Variants in ROBO1 observed in about 807,000 individuals in gnomAD.
ROBO1 encodes the protein roundabout homolog 1.
A neutral mutation model predicts 195.9 loss-of-function variants in ROBO1; 149 were observed. The observed-to-expected ratio is 0.76, with a 90% CI of 0.67 to 0.87. ROBO1 has a LOEUF of 0.87. Ranked by LOEUF, ROBO1 falls within the 40% of genes least tolerant of loss-of-function variation. ROBO1 has a pLI of 0.00. For synonymous variants in ROBO1, 816 were observed against 733.2 expected (o/e 1.11, Z -1.82); for missense variants, 1,933 against 2,068.3 (o/e 0.93, Z 1.27).
chr3:79,075,209 T>C (rs763633620), intron 3 of ROBO1, among the ~76,000 whole-genome samples: 2 of 151,914 alleles, frequency 1.3e-5, no homozygotes, highest in Non-Finnish European at 2.9e-5. Context: ...AATATTTATA[T>C]AGAAAAACCT....
Position 78,643,040 on chromosome 3 carries a change from T to C in ROBO1, c.2882+3108A>G, listed in dbSNP as rs186640172. ...TTATCGCATTTATTTATGTAATTTA[T>C]TGCATTATTAAAAACCCATTTATCG... On this transcript the variant is annotated intron_variant, in intron 21 of 30. Transcript: ENST00000464233. Among the ~76,000 whole-genome samples, 1,195 of 152,296 alleles carry C rather than the reference T, an allele frequency of 7.8e-3. 4 individuals carry two copies. The highest frequency in any genetic ancestry group is 0.011 in the Non-Finnish European group (778 of 68,030).
chr3:78,661,625 A>C (rs1707412295), intron 15 of ROBO1, among the ~76,000 whole-genome samples: 1 of 152,192 alleles, frequency 6.6e-6, no homozygotes, highest in Non-Finnish European at 1.5e-5. Context: ...GGTCAAGGGG[A>C]TGAGAAGCTA....
intron 3 of ROBO1, among the ~76,000 whole-genome samples, chr3:78,970,665 T>G (rs1444930794): frequency 6.6e-6 from 1 of 152,098 alleles, no homozygotes; most frequent in Non-Finnish European, 1.5e-5. Context: ...AATTAACTAT[T>G]AAAATGACAA....
intron 2 of ROBO1, among the ~76,000 whole-genome samples, chr3:79,409,632 T>A (rs1392973080): frequency 6.6e-6 from 1 of 152,140 alleles, no homozygotes; most frequent in Non-Finnish European, 1.5e-5. Flanking sequence ...AACTCTTCAC[T>A]GCAAAGGTCT....
intron 2 of ROBO1, among the ~76,000 whole-genome samples, chr3:79,419,500 A>G (rs765028741): frequency 6.6e-6 from 1 of 152,068 alleles, no homozygotes; most frequent in Non-Finnish European, 1.5e-5. Flanking sequence ...TCAGCTTGTG[A>G]CTGGTGAAAA....
intron 5 of ROBO1, among the ~76,000 whole-genome samples, chr3:78,726,857 GCTTTTCTTT>G (rs2082173827): frequency 6.6e-6 from 1 of 152,022 alleles, no homozygotes; most frequent in African/African-American, 2.4e-5. Flanking sequence ...AACAATAACG[GCTTTTCTTT>G]CTTTAAATTT....
At chr3:78,646,397 T>C (rs1706294339) in intron 20 of ROBO1, among the ~76,000 whole-genome samples, 1 of 150,310 alleles carries the variant, frequency 6.7e-6, no homozygotes, top group Non-Finnish European at 1.5e-5. Flanking sequence ...ATCATATATC[T>C]AATTATATAT....
intron 1 of ROBO1, among the ~76,000 whole-genome samples, chr3:79,711,326 T>A: frequency 6.6e-6 from 1 of 152,252 alleles, no homozygotes; most frequent in South Asian, 2.1e-4. Flanking sequence ...CATAAACTAA[T>A]GTATATAAAA....
In ROBO1 at chr3:78,938,778, C is replaced by T. The variant is rs764263607; in HGVS notation, c.322G>A (p.Val108Met). The T allele has an allele frequency of 6.2e-7, 1 of 1,613,970 alleles. No homozygotes were observed. The highest frequency in any genetic ancestry group is 2.2e-5 in the East Asian group (1 of 44,884). ...CGAGGGTCATCTTTGTCTGTCTCCACTCTCTCTCCCCCTTTGTACCATTCA... is the reference window on the plus strand; with the variant it reads ...CGAGGGTCATCTTTGTCTGTCTCCATTCTCTCTCCCCCTTTGTACCATTCA... ...TIEWYKGGER[V>M]ETDKDDPRSH... Residue 108 changes from valine to methionine, a missense_variant, in exon 4 of 31, where the codon GTG becomes ATG. Coordinates refer to ENST00000464233, the MANE Select transcript of ROBO1 (RefSeq NM_002941.4).
At chr3:78,925,688 GAAGT>G (rs1227005652) in intron 4 of ROBO1, among the ~76,000 whole-genome samples, 7 of 152,122 alleles carry the variant, frequency 4.6e-5, no homozygotes, top group Admixed American at 1.3e-4. Context: ...ACAGCGGTGA[GAAGT>G]AAGTGCCAAA....
intron 2 of ROBO1, among the ~76,000 whole-genome samples, chr3:79,588,716 A>G (rs1420472679): frequency 2.6e-5 from 4 of 151,764 alleles, no homozygotes; most frequent in African/African-American, 9.7e-5. Flanking sequence ...AACAGGCTAA[A>G]ATAAGAATAC....
At chr3:79,646,386 T>C (rs1444075212) in intron 1 of ROBO1, among the ~76,000 whole-genome samples, 1 of 152,100 alleles carries the variant, frequency 6.6e-6, no homozygotes, top group Non-Finnish European at 1.5e-5. Context: ...TTAAAATGGC[T>C]TCTATGAAAA....
intron 4 of ROBO1, among the ~76,000 whole-genome samples, chr3:78,825,937 G>A (rs1559895887): frequency 6.6e-6 from 1 of 152,172 alleles, no homozygotes; most frequent in Non-Finnish European, 1.5e-5. Flanking sequence ...TTACTTTGCT[G>A]TGGTTACTAC....
intron 2 of ROBO1, among the ~76,000 whole-genome samples, chr3:79,365,087 C>T (rs1042345470): frequency 2.6e-5 from 4 of 152,100 alleles, no homozygotes; most frequent in Admixed American, 2.0e-4. Flanking sequence ...CATATTTGTA[C>T]GTGAATTGCA....
At chr3:79,008,848 C>T (rs1053975598) in intron 3 of ROBO1, among the ~76,000 whole-genome samples, 27 of 148,382 alleles carry the variant, frequency 1.8e-4, no homozygotes, top group Non-Finnish European at 2.5e-4. Flanking sequence ...CTCAATCTCC[C>T]GAAGTACTAA....
At chr3:78,614,956 G>A (rs1004225926) in intron 27 of ROBO1, among the ~76,000 whole-genome samples, 156 bp from the exon 28 acceptor site, 1 of 151,996 alleles carries the variant, frequency 6.6e-6, no homozygotes, top group Non-Finnish European at 1.5e-5. Context: ...CAAATAACAG[G>A]CTTGTTGTCA....
At chr3:78,868,192 A>T (rs2035300240) in intron 4 of ROBO1, among the ~76,000 whole-genome samples, 1 of 152,166 alleles carries the variant, frequency 6.6e-6, no homozygotes, top group African/African-American at 2.4e-5. Context: ...AGCTGCCAAG[A>T]TGTGATAATA....
At chr3:78,608,429 A>G (rs1309686997) in intron 28 of ROBO1, among the ~76,000 whole-genome samples, 1 of 152,214 alleles carries the variant, frequency 6.6e-6, no homozygotes. Context: ...TGTATATCAT[A>G]GATATACTTA....
chr3:79,166,806 G>A (rs115433789), intron 2 of ROBO1, among the ~76,000 whole-genome samples: 1,742 of 151,972 alleles, frequency 0.011, 35 homozygotes, highest in African/African-American at 0.04. Context: ...TGACCTCGTT[G>A]ATCCGCTATT....
Sources: allele counts gnomAD v4.1 joint callset (sites outside exome capture counted in the v4.1 genomes callset), GRCh38; gene constraint gnomAD v4.1.1; transcripts MANE v1.5; gene names NCBI Gene and HGNC (gene_info 2026-07-23, HGNC 2026-07-21).